Variants in BEND6 observed in about 807,000 individuals in gnomAD.
The protein encoded by BEND6 is BEN domain containing 6.
A neutral mutation model predicts 31.8 loss-of-function variants in BEND6; 24 were observed. The observed-to-expected ratio is 0.75, with a 90% confidence interval of 0.55 to 1.06. The LOEUF is 1.06. Among genes scored for constraint, BEND6 ranks in the 50% least tolerant of loss-of-function variants. The pLI is 0.00. For synonymous variants in BEND6, 109 were observed against 114.6 expected (o/e 0.95, Z 0.31); for missense variants, 294 against 327.4 (o/e 0.90, Z 0.79).
chr6:57,012,508 T>C lies in BEND6; in HGVS notation c.299-2625T>C, dbSNP rs117077174. Reference sequence around the variant, plus strand: ...GGTGTGTTTTAAATGGGCGCACCCATTTGTCAAACGCATCCCCTTTACCTA... The same window carrying C: ...GGTGTGTTTTAAATGGGCGCACCCACTTGTCAAACGCATCCCCTTTACCTA... On this transcript the variant is annotated intron_variant, in intron 3 of 6. Transcript: ENST00000370746. Among the ~76,000 whole-genome samples the C allele has an allele frequency of 4.0e-3, 606 of 152,316 alleles. 32 individuals are homozygous for C. The East Asian group carries it at 0.09, about 23-fold the overall frequency.
At chr6:56,978,727 G>A (rs1356210605) in intron 1 of BEND6, among the ~76,000 whole-genome samples, 1 of 152,134 alleles carries the variant, frequency 6.6e-6, no homozygotes, top group Non-Finnish European at 1.5e-5. Flanking sequence ...GCTTAGCAGT[G>A]GCAAAGTTTT....
At chr6:57,008,314 G>A (rs1827231957) in intron 3 of BEND6, 2 of 694,242 alleles carry the variant, frequency 2.9e-6, no homozygotes, top group Non-Finnish European at 2.6e-6. Context: ...GCTTGCTCCA[G>A]GTTGGGCAGA....
chr6:56,962,328 C>G (rs1825320069), intron 1 of BEND6, among the ~76,000 whole-genome samples: 1 of 152,202 alleles, frequency 6.6e-6, no homozygotes, highest in Non-Finnish European at 1.5e-5. Context: ...CCCTCTCCAC[C>G]ACCATATTTC....
intron 1 of BEND6, among the ~76,000 whole-genome samples, chr6:56,959,352 T>C (rs1290751871): frequency 6.6e-6 from 1 of 152,244 alleles, no homozygotes; most frequent in African/African-American, 2.4e-5. Context: ...CTAGGTTGTC[T>C]GTGATTATTA....
intron 1 of BEND6, among the ~76,000 whole-genome samples, chr6:56,971,247 G>A (rs1414960741): frequency 2.0e-5 from 3 of 152,118 alleles, no homozygotes; most frequent in Admixed American, 2.0e-4. Flanking sequence ...TTTGGAACTG[G>A]CATATTTCAC....
In BEND6 at chr6:56,965,919, G is replaced by C. The variant is rs543693253; in HGVS notation, c.-101+10459G>C. On this transcript the variant is annotated intron_variant, in intron 1 of 6. Coordinates refer to ENST00000370746, the MANE Select transcript of BEND6 (RefSeq NM_152731.3). ...ATGTTGTAGAATACATTTACTTAAA[G>C]CAAAAAGCATAATAATCTCATTTTG... 3.6e-4 allele frequency among the ~76,000 whole-genome samples: 54 copies of C among 152,008 alleles called. No individual in the cohort carries two copies. In the South Asian group the frequency reaches 9.6e-3, roughly 27 times the overall value.
At chr6:56,997,576 C>T (rs1562549904) in intron 3 of BEND6, among the ~76,000 whole-genome samples, 2 of 152,064 alleles carry the variant, frequency 1.3e-5, no homozygotes, top group African/African-American at 2.4e-5. Context: ...TTTTTTGAGA[C>T]GGAATCTCAC....
At chr6:56,973,755 C>A (rs577541612) in intron 1 of BEND6, among the ~76,000 whole-genome samples, 4 of 152,020 alleles carry the variant, frequency 2.6e-5, no homozygotes, top group Non-Finnish European at 5.9e-5. Flanking sequence ...TTTAAACTTA[C>A]AATTTTTTTC....
chr6:56,960,934 A>G (rs1205973151), intron 1 of BEND6, among the ~76,000 whole-genome samples: 1 of 152,232 alleles, frequency 6.6e-6, no homozygotes, highest in African/African-American at 2.4e-5. Context: ...AGTAGAGTTT[A>G]TATTTCAAAG....
intron 4 of BEND6, among the ~76,000 whole-genome samples, chr6:57,015,760 G>A (rs1010662057): frequency 2.0e-5 from 3 of 149,872 alleles, no homozygotes; most frequent in Admixed American, 1.3e-4. Flanking sequence ...AGCCGAGATC[G>A]AGATAGTGCC....
At position 56,972,229 on chromosome 6, in the gene BEND6, C is replaced by T. The variant is rs1460723134; in HGVS notation, c.-100-9482C>T. ...CCTGCCTCAGCTTGCTGAATAGCTGCGACTAAAGTCATGCGCCACCAGGCC... is the reference window on the plus strand; with the variant it reads ...CCTGCCTCAGCTTGCTGAATAGCTGTGACTAAAGTCATGCGCCACCAGGCC... On this transcript the variant is annotated intron_variant, in intron 1 of 6. Coordinates refer to ENST00000370746, the MANE Select transcript of BEND6 (RefSeq NM_152731.3). Among the ~76,000 whole-genome samples, 4 of 151,362 alleles carry T rather than the reference C, an allele frequency of 2.6e-5. No individual in the cohort carries two copies. In the South Asian group the frequency reaches 6.3e-4, roughly 24 times the overall value.
intron 2 of BEND6, among the ~76,000 whole-genome samples, chr6:56,983,946 C>T (rs1302531593): frequency 6.6e-6 from 1 of 152,134 alleles, no homozygotes; most frequent in Non-Finnish European, 1.5e-5. Flanking sequence ...AGGCCAGATG[C>T]AGTGGCTTAC....
At chr6:56,979,512 G>GAT (rs1045282932) in intron 1 of BEND6, among the ~76,000 whole-genome samples, 1 of 152,090 alleles carries the variant, frequency 6.6e-6, no homozygotes, top group Admixed American at 6.5e-5. Context: ...CAATGTAAAA[G>GAT]ACATTTTCAA....
intron 3 of BEND6, among the ~76,000 whole-genome samples, chr6:57,001,884 T>G: frequency 6.6e-6 from 1 of 152,192 alleles, no homozygotes; most frequent in East Asian, 1.9e-4. Flanking sequence ...CAAAACTTCA[T>G]ATATCAGTAT....
chr6:56,994,384 G>A (rs1251693123), intron 3 of BEND6, among the ~76,000 whole-genome samples: 1 of 147,414 alleles, frequency 6.8e-6, no homozygotes, highest in Non-Finnish European at 1.5e-5. Flanking sequence ...CATGAACCTG[G>A]GAGGCGGAGC....
intron 6 of BEND6, among the ~76,000 whole-genome samples, chr6:57,022,164 C>CTTTTTTTTTTTTTTTTTTTTTTTTT (rs57185788): frequency 1.8e-5 from 2 of 111,160 alleles, no homozygotes; most frequent in Non-Finnish European, 3.9e-5. Context: ...TTTTCTTTTT[C>CTTTTTTTTTTTTTTTTTTTTTTTTT]TTTTTTTTTT....
intron 2 of BEND6, among the ~76,000 whole-genome samples, chr6:56,986,321 C>T (rs1345158327): frequency 6.6e-6 from 1 of 151,894 alleles, no homozygotes; most frequent in Non-Finnish European, 1.5e-5. Flanking sequence ...ACCTATAAAC[C>T]CAGCTACTCG....
At chr6:56,962,596 C>G (rs551242851) in intron 1 of BEND6, among the ~76,000 whole-genome samples, 1 of 152,352 alleles carries the variant, frequency 6.6e-6, no homozygotes, top group East Asian at 1.9e-4. Context: ...AGACCCCCCT[C>G]TGGGCCTAGT....
At position 57,016,890 on chromosome 6, in the gene BEND6, C is replaced by T. The variant is rs1049015217; in HGVS notation, c.520-317C>T. Among the ~76,000 whole-genome samples the T allele has an allele frequency of 3.0e-4, 46 of 152,264 alleles. 1 individual carries two copies. The highest frequency in any genetic ancestry group is 3.4e-3 in the Middle Eastern group (1 of 292). ...CAGAGGGCCATTATTCTGCCTACTA[C>T]ATTTACGATGAAGCACTGAGTATGG... On this transcript the variant is annotated intron_variant, in intron 4 of 6. Transcript: ENST00000370746.
Sources: gnomAD v4.1 joint callset for allele counts (sites outside exome capture counted in the v4.1 genomes callset) on GRCh38, gnomAD v4.1.1 for gene constraint, MANE v1.5 for transcripts, NCBI Gene and HGNC (gene_info 2026-07-23, HGNC 2026-07-21) for gene names.